Variants in MAGI2 observed in about 807,000 individuals in gnomAD.
The protein encoded by MAGI2 is membrane-associated guanylate kinase, WW and PDZ domain-containing protein 2.
Under a neutral mutation model 133.3 loss-of-function variants are expected in MAGI2, and 35 were observed. The observed-to-expected ratio is 0.26, with a 90% CI of 0.20 to 0.35. MAGI2 has a LOEUF of 0.35. Among genes scored for constraint, MAGI2 ranks in the 10% least tolerant of loss-of-function variants. MAGI2 has a pLI of 1.00. For synonymous variants in MAGI2, 729 were observed against 710.6 expected (o/e 1.03, Z -0.41); for missense variants, 1,636 against 1,863.4 (o/e 0.88, Z 2.25).
At chr7:79,100,859 G>A (rs1292367345) in intron 1 of MAGI2, among the ~76,000 whole-genome samples, 1 of 151,606 alleles carries the variant, frequency 6.6e-6, no homozygotes, top group Non-Finnish European at 1.5e-5. Context: ...GGTAAGAGGA[G>A]GTAAAAATCT....
intron 9 of MAGI2, among the ~76,000 whole-genome samples, chr7:78,341,506 T>A (rs939050019): frequency 6.6e-6 from 1 of 152,000 alleles, no homozygotes; most frequent in Non-Finnish European, 1.5e-5. Context: ...GCTAAGACAA[T>A]CCTAAGCAAA....
At chr7:79,372,597 A>C (rs1382234738) in intron 1 of MAGI2, among the ~76,000 whole-genome samples, 7 of 152,096 alleles carry the variant, frequency 4.6e-5, no homozygotes, top group Non-Finnish European at 1.0e-4. Context: ...TGCTGAATCA[A>C]TTAATGAATA....
intron 2 of MAGI2, among the ~76,000 whole-genome samples, chr7:78,787,168 G>A (rs192505807): frequency 7.9e-5 from 12 of 152,128 alleles, no homozygotes; most frequent in South Asian, 4.1e-4. Flanking sequence ...GGCTGGTCTC[G>A]ATCTCCTGAC....
At chr7:78,524,426 T>C (rs28621572) in intron 3 of MAGI2, among the ~76,000 whole-genome samples, 1 of 152,112 alleles carries the variant, frequency 6.6e-6, no homozygotes, top group African/African-American at 2.4e-5. Flanking sequence ...AACTTCATGC[T>C]GGCATAAAGT....
chr7:79,230,256 G>C (rs1256204675), intron 1 of MAGI2, among the ~76,000 whole-genome samples: 3 of 150,668 alleles, frequency 2.0e-5, no homozygotes, highest in African/African-American at 7.3e-5. Flanking sequence ...AAACATACGT[G>C]TGCATGTGTC....
In MAGI2 at chr7:79,281,517, G is replaced by C. The variant is rs573851522; in HGVS notation, c.301+171503C>G. Among the ~76,000 whole-genome samples the C allele has an allele frequency of 2.9e-5, 4 of 138,740 alleles. No homozygotes were observed. In the Admixed American group the frequency reaches 3.2e-4, roughly 11 times the overall value. The allele number at this position is 138,740 out of a possible 152,430, so 91.0% of individuals were successfully genotyped here. A position where few individuals can be genotyped will look rare whatever the true frequency, so the allele number is the denominator to read the frequency against. ...ATATTAAAAACAAAGCCAAAACAAA[G>C]TAAAACACTAAGTTTAGAAGAAAAA... On this transcript the variant is annotated intron_variant, in intron 1 of 21. Coordinates refer to ENST00000354212, the MANE Select transcript of MAGI2 (RefSeq NM_012301.4).
At chr7:78,419,837 G>A (rs1390122846) in intron 6 of MAGI2, among the ~76,000 whole-genome samples, 9 of 152,100 alleles carry the variant, frequency 5.9e-5, no homozygotes. Context: ...AGCACAGGAA[G>A]AACTGAGTTG....
chr7:78,942,855 T>C (rs1402138651), intron 2 of MAGI2, among the ~76,000 whole-genome samples: 1 of 151,626 alleles, frequency 6.6e-6, no homozygotes, highest in African/African-American at 2.4e-5. Context: ...TTTCATTTTA[T>C]TGTAGTGGAT....
chr7:78,277,327 T>C (rs866900529), intron 9 of MAGI2, among the ~76,000 whole-genome samples: 10 of 152,100 alleles, frequency 6.6e-5, no homozygotes, highest in African/African-American at 2.4e-4. Context: ...ATCACAAAAG[T>C]ATCAAAACAA....
intron 6 of MAGI2, among the ~76,000 whole-genome samples, chr7:78,460,881 C>T (rs1274692668): frequency 6.6e-6 from 1 of 152,118 alleles, no homozygotes; most frequent in East Asian, 1.9e-4. Context: ...GGCTTTGGGT[C>T]TCTTCTTCAA....
intron 2 of MAGI2, among the ~76,000 whole-genome samples, chr7:78,914,746 C>A (rs1166337130): frequency 1.3e-5 from 2 of 151,994 alleles, no homozygotes; most frequent in African/African-American, 4.8e-5. Flanking sequence ...GGAGTGAAAA[C>A]AACTGGACAA....
At chr7:79,077,559 A>T (rs1815593998) in intron 1 of MAGI2, among the ~76,000 whole-genome samples, 1 of 134,300 alleles carries the variant, frequency 7.4e-6, no homozygotes, top group East Asian at 2.3e-4. Flanking sequence ...TGGGCAACAG[A>T]GCGAGACTGC....
At chr7:78,791,153 A>T (rs555581002) in intron 2 of MAGI2, among the ~76,000 whole-genome samples, 3 of 152,326 alleles carry the variant, frequency 2.0e-5, no homozygotes, top group African/African-American at 7.2e-5. Flanking sequence ...AGTCCTCCGT[A>T]ATAGAAAAAT....
In MAGI2 at chr7:78,347,912, G is replaced by T. The variant is rs552945704; in HGVS notation, c.1104-1869C>A. On this transcript the variant is annotated intron_variant, in intron 7 of 21. Coordinates refer to ENST00000354212, the MANE Select transcript of MAGI2 (RefSeq NM_012301.4). ...AACTAATAATATCTGTGCCTGTAAA[G>T]CATGTGAGCTGTAAACTCTAACACT... 2.9e-4 allele frequency among the ~76,000 whole-genome samples: 44 copies of T among 152,340 alleles called. 1 individual carries two copies. Among genetic ancestry groups the T allele is most frequent in the Middle Eastern group, 6.8e-3 (2 of 294 alleles).
chr7:78,405,076 C>A (rs1267302748), intron 6 of MAGI2, among the ~76,000 whole-genome samples: 2 of 152,062 alleles, frequency 1.3e-5, no homozygotes, highest in Admixed American at 6.6e-5. Context: ...AACTGCTTCC[C>A]ACCAACAGCA....
chr7:78,944,529 C>A (rs1801249834), intron 2 of MAGI2, among the ~76,000 whole-genome samples: 2 of 151,864 alleles, frequency 1.3e-5, no homozygotes, highest in Admixed American at 1.3e-4. Flanking sequence ...AATACCCAAG[C>A]CTGTTTCAAT....
At chr7:78,904,208 G>A (rs1043061609) in intron 2 of MAGI2, 5 of 152,156 alleles carry the variant, frequency 3.3e-5, no homozygotes, top group South Asian at 4.1e-4. Flanking sequence ...CCAGAGGAGC[G>A]AAGGATGCTA....
At chr7:78,363,593 T>G (rs1394567596) in intron 7 of MAGI2, among the ~76,000 whole-genome samples, 1 of 151,772 alleles carries the variant, frequency 6.6e-6, no homozygotes, top group African/African-American at 2.4e-5. Flanking sequence ...ATTATATGTT[T>G]CTTTCCAAAT....
At chr7:79,094,992 A>G (rs1562883723) in intron 1 of MAGI2, among the ~76,000 whole-genome samples, 1 of 152,190 alleles carries the variant, frequency 6.6e-6, no homozygotes. Flanking sequence ...CCCTAATAAG[A>G]CAGTCAGTCT....
Sources: gnomAD v4.1 joint callset for allele counts (sites outside exome capture counted in the v4.1 genomes callset) on GRCh38, gnomAD v4.1.1 for gene constraint, MANE v1.5 for transcripts, NCBI Gene and HGNC (gene_info 2026-07-23, HGNC 2026-07-21) for gene names.